The following CHM variants were observed in gnomAD, a reference collection of about 807,000 sequenced individuals.
CHM encodes the protein rab proteins geranylgeranyltransferase component A 1.
Under a neutral mutation model 49.0 loss-of-function variants are expected in CHM, and 10 were observed. The observed-to-expected ratio is 0.20, with a 90% CI of 0.13 to 0.35. CHM has a LOEUF of 0.35. CHM is among the 10% of genes least tolerant of loss of function. The pLI is 1.00. For missense variants in CHM, 455 were observed against 478.4 expected, an observed-to-expected ratio of 0.95 and a Z score of 0.46; for synonymous variants, 184 against 167.5, an observed-to-expected ratio of 1.10 and a Z score of -0.76.
In CHM at chrX:85,914,195, T is replaced by C. The variant is rs772465168; in HGVS notation, c.1167-2857A>G. 5.4e-5 allele frequency among the ~76,000 whole-genome samples: 6 copies of C among 110,826 alleles called. No individual in the cohort carries two copies. The South Asian group carries it at 2.4e-3, about 44-fold the overall frequency. On this transcript the variant is annotated intron_variant, in intron 8 of 14. Coordinates refer to ENST00000357749, the MANE Select transcript of CHM (RefSeq NM_000390.4). ...CAGTATACTTGGAGCCCAGAAGGTT[T>C]GGCACGGGAAGAGTTGCAGTGGAGC... is the stretch of plus-strand genomic sequence containing the variant.
chrX:85,997,588 T>C (rs902978517), intron 2 of CHM, among the ~76,000 whole-genome samples: 3 of 110,947 alleles, frequency 2.7e-5, no homozygotes, highest in African/African-American at 9.8e-5. Context: ...CTACTCCACT[T>C]TCCCCACCAC....
intron 8 of CHM, among the ~76,000 whole-genome samples, chrX:85,949,211 A>T (rs929035955): frequency 8.9e-6 from 1 of 112,534 alleles, no homozygotes; most frequent in African/African-American, 3.2e-5. Context: ...AATACATAAG[A>T]TCACATTCTG....
chrX:85,923,178 T>C (rs774982585), intron 8 of CHM, among the ~76,000 whole-genome samples: 3 of 112,368 alleles, frequency 2.7e-5, no homozygotes, highest in Non-Finnish European at 5.6e-5. Context: ...TGTGTGACAG[T>C]GCTTCAGTTC....
At chrX:85,933,660 T>C (rs2148197433) in intron 8 of CHM, among the ~76,000 whole-genome samples, 1 of 112,383 alleles carries the variant, frequency 8.9e-6, no homozygotes, top group South Asian at 3.6e-4. Flanking sequence ...AGAATAAGAT[T>C]CTATGCAGAT....
chrX:86,004,979 CG>C (rs1286130017), intron 2 of CHM, among the ~76,000 whole-genome samples: 1 of 112,081 alleles, frequency 8.9e-6, no homozygotes, highest in Non-Finnish European at 1.9e-5. Context: ...AGCATCACAT[CG>C]CACTTATTCC....
At chrX:85,888,058 G>A (rs772680787) in intron 12 of CHM, among the ~76,000 whole-genome samples, 2 of 112,070 alleles carry the variant, frequency 1.8e-5, no homozygotes, top group Non-Finnish European at 3.8e-5. Flanking sequence ...ATGTAATGAG[G>A]AGCCAAATGT....
chrX:85,977,562 T>C (rs144331956), intron 4 of CHM, among the ~76,000 whole-genome samples: 1,439 of 112,463 alleles, frequency 0.013, 10 homozygotes, highest in Non-Finnish European at 0.019. Context: ...AGAAGGCCAG[T>C]GTGACTGTCA....
chrX:86,040,820 A>T (rs944970757), intron 1 of CHM, among the ~76,000 whole-genome samples: 2 of 112,395 alleles, frequency 1.8e-5, no homozygotes, highest in Non-Finnish European at 3.8e-5. Context: ...TAGAAAAGCA[A>T]AAACAAAACA....
chrX:85,914,464 C>T (rs1927332362), intron 8 of CHM, among the ~76,000 whole-genome samples: 1 of 111,039 alleles, frequency 9.0e-6, no homozygotes, highest in African/African-American at 3.3e-5. Context: ...ACAGTCTCCA[C>T]CTTCCCATCA....
intron 13 of CHM, among the ~76,000 whole-genome samples, chrX:85,876,068 T>C (rs1442750343): frequency 1.8e-5 from 2 of 111,454 alleles, no homozygotes; most frequent in African/African-American, 3.3e-5. Context: ...AGGAAATGAA[T>C]AGATATTTCT....
intron 1 of CHM, among the ~76,000 whole-genome samples, chrX:86,033,096 C>T (rs1473138891): frequency 9.0e-6 from 1 of 111,251 alleles, no homozygotes; most frequent in African/African-American, 3.3e-5. Flanking sequence ...CCCTTTAATC[C>T]AAATTCTTAA....
chrX:86,014,353 A>G (rs1018798628), intron 2 of CHM, among the ~76,000 whole-genome samples: 5 of 112,238 alleles, frequency 4.5e-5, no homozygotes, highest in African/African-American at 9.7e-5. Context: ...GCCCAAATCT[A>G]GACAGCTAAG....
chrX:85,992,842 T>A (rs1326281325), intron 2 of CHM, among the ~76,000 whole-genome samples: 7 of 112,527 alleles, frequency 6.2e-5, no homozygotes, highest in Admixed American at 2.8e-4. Flanking sequence ...CAGATCAGCC[T>A]GCCAGAAAGA....
chrX:85,888,190 C>T (rs1352757525), intron 12 of CHM, among the ~76,000 whole-genome samples: 1 of 111,262 alleles, frequency 9.0e-6, no homozygotes, highest in African/African-American at 3.3e-5. Flanking sequence ...CAGGCCAGGG[C>T]CCCCTGCTGT....
chrX:85,864,841 T>C lies in CHM; in HGVS notation c.1771-20A>G, dbSNP rs763462710. 4.5e-5 allele frequency: 54 copies of C among 1,189,019 alleles called. No individual in the cohort carries two copies. Among genetic ancestry groups the C allele is most frequent in the Non-Finnish European group, 6.1e-5 (54 of 880,230 alleles). On this transcript the variant is annotated intron_variant, in intron 14 of 14. Coordinates refer to ENST00000357749, the MANE Select transcript of CHM (RefSeq NM_000390.4). ...TTCAGCCTGGCCAAGGAAGAAAAGA[T>C]AAAATCGTTTTTGGAAATCGGTTTA...
intron 1 of CHM, among the ~76,000 whole-genome samples, chrX:86,035,826 C>T (rs1218884324): frequency 3.2e-5 from 3 of 93,417 alleles, no homozygotes; most frequent in African/African-American, 1.2e-4. Context: ...TGGAGCCTCG[C>T]TCTGTTGCCC....
chrX:86,033,771 T>C (rs779581642), intron 1 of CHM, among the ~76,000 whole-genome samples: 1 of 111,580 alleles, frequency 9.0e-6, no homozygotes, highest in South Asian at 3.7e-4. Flanking sequence ...TACCACAACA[T>C]AAAGATAAAA....
At chrX:85,876,413 A>C (rs970396800) in intron 13 of CHM, among the ~76,000 whole-genome samples, 2 of 112,040 alleles carry the variant, frequency 1.8e-5, no homozygotes, top group African/African-American at 6.5e-5. Context: ...AAAAGCCATC[A>C]ATCTGTGAAA....
intron 12 of CHM, among the ~76,000 whole-genome samples, chrX:85,883,713 G>T (rs1365806092): frequency 9.0e-6 from 1 of 110,570 alleles, no homozygotes; most frequent in East Asian, 2.8e-4. Flanking sequence ...TTTATAAAAG[G>T]TATATAGCAT....
Sources: allele counts gnomAD v4.1 joint callset (sites outside exome capture counted in the v4.1 genomes callset), GRCh38; gene constraint gnomAD v4.1.1; transcripts MANE v1.5; gene names NCBI Gene and HGNC (gene_info 2026-07-23, HGNC 2026-07-21).